The following SYT16 variants were observed in gnomAD, a reference collection of about 807,000 sequenced individuals.
SYT16 encodes the protein synaptotagmin 16, also known as synaptotagmin-16.
Under a neutral mutation model 61.4 loss-of-function variants are expected in SYT16, and 42 were observed. The ratio of observed to expected loss-of-function variants is 0.68; its 90% CI spans 0.53 to 0.89. The LOEUF (loss-of-function observed/expected upper bound fraction) is 0.89. Ranked by LOEUF, SYT16 falls within the 40% of genes least tolerant of loss-of-function variation. The pLI is 0.00. For synonymous variants in SYT16, 314 were observed against 302.3 expected (o/e 1.04, Z -0.40); for missense variants, 804 against 807.3 (o/e 1.00, Z 0.05).
rs557057709 is a variant in SYT16, at chr14:62,075,951, A to T, written c.993+560A>T. On this transcript the variant is annotated intron_variant, in intron 5 of 7. Transcript: ENST00000683842. ...TATTTTGTGCCTAGGAGACAGCATT[A>T]ATCAGTAATGCCCCTCTGGCCATTG... 6.6e-5 allele frequency among the ~76,000 whole-genome samples: 10 copies of T among 152,366 alleles called. 1 individual carries two copies. In the South Asian group the frequency reaches 2.1e-3, roughly 32 times the overall value.
intron 6 of SYT16, among the ~76,000 whole-genome samples, chr14:62,083,800 C>G (rs966123341): frequency 5.3e-5 from 8 of 152,236 alleles, no homozygotes; most frequent in African/African-American, 1.9e-4. Context: ...AGAACAGAAA[C>G]AAACCTCAGG....
intron 3 of SYT16, among the ~76,000 whole-genome samples, chr14:62,042,659 T>A (rs2054782652): frequency 1.3e-5 from 2 of 152,208 alleles, no homozygotes; most frequent in African/African-American, 4.8e-5. Context: ...CTCACATGCA[T>A]GTATTGATCA....
chr14:61,816,882 G>A (rs1345325341), intron 1 of SYT16, among the ~76,000 whole-genome samples: 5 of 151,846 alleles, frequency 3.3e-5, no homozygotes, highest in Non-Finnish European at 7.4e-5. Flanking sequence ...GTGGTGGCGG[G>A]CGCTTGTAGT....
chr14:62,061,545 A>G (rs2140919202), intron 3 of SYT16, among the ~76,000 whole-genome samples: 1 of 152,294 alleles, frequency 6.6e-6, no homozygotes, highest in Admixed American at 6.5e-5. Context: ...AAATGAAAGA[A>G]TTAAAAAATA....
At chr14:62,062,370 C>G (rs2140921524) in intron 3 of SYT16, among the ~76,000 whole-genome samples, 1 of 152,184 alleles carries the variant, frequency 6.6e-6, no homozygotes, top group East Asian at 1.9e-4. Context: ...CAGAGTCTTC[C>G]TTCTCCCCCC....
chr14:62,003,576 A>C (rs1051028582), intron 3 of SYT16, among the ~76,000 whole-genome samples: 1 of 151,938 alleles, frequency 6.6e-6, no homozygotes, highest in Non-Finnish European at 1.5e-5. Context: ...CACTTATATA[A>C]ATTTTGTTGT....
In SYT16 at chr14:61,983,628, C is replaced by A. The variant is rs1012074607; in HGVS notation, c.-144-12248C>A. ...GTGATCTCAACTTATTGGGCTCAAG[C>A]AATCCTTCAGCCTCAGTTTCCTAAG... On this transcript the variant is annotated intron_variant, in intron 2 of 7. Coordinates refer to ENST00000683842, the MANE Select transcript of SYT16 (RefSeq NM_001367656.1). 7.9e-5 allele frequency among the ~76,000 whole-genome samples: 12 copies of A among 152,170 alleles called. No individual in the cohort carries two copies. In the East Asian group the frequency reaches 1.9e-3, roughly 25 times the overall value.
Position 61,996,402 on chromosome 14 carries a change from G to C in SYT16, c.383G>C (p.Ser128Thr), listed in dbSNP as rs765438180. 1.9e-6 allele frequency: 3 copies of C among 1,613,536 alleles called. No homozygotes were observed. The highest frequency in any genetic ancestry group is 2.5e-6 in the Non-Finnish European group (3 of 1,179,584). The change falls in exon 3 of 8, where the codon AGT (serine) becomes ACT (threonine). Residue 128 changes from serine (S) to threonine (T), a missense_variant. Transcript: ENST00000683842. ...STMSQWPNWA[S>T]DDRKLPHVLS... ...ATGTCCCAGTGGCCCAATTGGGCCA[G>C]TGATGACCGCAAGTTACCACATGTG...
chr14:62,075,209 T>C lies in SYT16; in HGVS notation c.811T>C (p.Ser271Pro). The C allele has an allele frequency of 6.2e-7, 1 of 1,613,544 alleles. No homozygotes were observed. The highest frequency in any genetic ancestry group is 8.5e-7 in the Non-Finnish European group (1 of 1,179,684). Residue 271 changes from serine (S) to proline (P), a missense_variant, in exon 5 of 8, where the codon TCA becomes CCA. Transcript: ENST00000683842. ...TGAAGATGACCACATCCCTGCTCAC[T>C]CACAGTCCCCATGTGAAAGAGGGGA... The part of the protein sequence containing the change: ...YGEDDHIPAH[S>P]QSPCERGDAK...
At chr14:61,856,630 G>A (rs908014047) in intron 1 of SYT16, among the ~76,000 whole-genome samples, 9 of 152,226 alleles carry the variant, frequency 5.9e-5, no homozygotes, top group South Asian at 2.1e-4. Context: ...CAGGAATTTC[G>A]TTTTGGGAAC....
chr14:61,861,034 A>G (rs1041057762), intron 1 of SYT16, among the ~76,000 whole-genome samples: 1 of 152,188 alleles, frequency 6.6e-6, no homozygotes, highest in Non-Finnish European at 1.5e-5. Flanking sequence ...GGAAGAATCA[A>G]GTTGGCTGGA....
intron 3 of SYT16, among the ~76,000 whole-genome samples, chr14:62,050,180 C>A (rs181842342): frequency 6.6e-6 from 1 of 152,118 alleles, no homozygotes; most frequent in African/African-American, 2.4e-5. Context: ...TCTTTTTATT[C>A]TTTTTTCTCT....
chr14:62,091,970 A>G (rs943113997), intron 7 of SYT16, among the ~76,000 whole-genome samples: 2 of 152,212 alleles, frequency 1.3e-5, no homozygotes, highest in African/African-American at 4.8e-5. Context: ...ACTAATATCC[A>G]GAATATATAG....
intron 1 of SYT16, among the ~76,000 whole-genome samples, chr14:61,968,769 T>G (rs1052480060): frequency 2.0e-5 from 3 of 152,226 alleles, no homozygotes; most frequent in African/African-American, 4.8e-5. Flanking sequence ...TGGTATGTCA[T>G]TTCAACCAAG....
intron 1 of SYT16, among the ~76,000 whole-genome samples, chr14:61,862,316 C>A (rs1035059261): frequency 1.3e-5 from 2 of 152,168 alleles, no homozygotes; most frequent in African/African-American, 4.8e-5. Flanking sequence ...ATCTGCTTTC[C>A]ATCATGATAG....
intron 1 of SYT16, among the ~76,000 whole-genome samples, chr14:61,843,517 G>A (rs907765878): frequency 1.3e-5 from 2 of 152,072 alleles, no homozygotes; most frequent in African/African-American, 2.4e-5. Flanking sequence ...ATGTTTTCTT[G>A]TAGTAGTTTC....
chr14:61,959,682 A>C (rs1236617257), intron 1 of SYT16, among the ~76,000 whole-genome samples: 1 of 152,182 alleles, frequency 6.6e-6, no homozygotes, highest in Non-Finnish European at 1.5e-5. Flanking sequence ...CTACAGTAGC[A>C]CAATATTCTG....
At chr14:62,056,927 G>T (rs1274718073) in intron 3 of SYT16, among the ~76,000 whole-genome samples, 6 of 152,198 alleles carry the variant, frequency 3.9e-5, no homozygotes, top group Non-Finnish European at 5.9e-5. Context: ...CGAGCAGGGG[G>T]CACGGGATGC....
chr14:62,097,790 G>A (rs2057315516), intron 7 of SYT16, among the ~76,000 whole-genome samples: 1 of 152,170 alleles, frequency 6.6e-6, no homozygotes, highest in Non-Finnish European at 1.5e-5. Context: ...GCTTGAAATT[G>A]CTCTCTTTGT....
Sources: gnomAD v4.1 joint callset for allele counts (sites outside exome capture counted in the v4.1 genomes callset) on GRCh38, gnomAD v4.1.1 for gene constraint, MANE v1.5 for transcripts, NCBI Gene and HGNC (gene_info 2026-07-23, HGNC 2026-07-21) for gene names.